Variants in MYO16 observed in about 807,000 individuals in gnomAD.
The protein encoded by MYO16 is unconventional myosin-XVI.
A neutral mutation model predicts 205.3 loss-of-function variants in MYO16; 94 were observed. The ratio of observed to expected loss-of-function variants is 0.46; its 90% CI spans 0.39 to 0.54. MYO16 has a LOEUF of 0.54. MYO16 is among the 20% of genes least tolerant of loss of function. The pLI, the probability that MYO16 is intolerant of heterozygous loss-of-function variation, is 0.00. For missense variants in MYO16, 2,315 were observed against 2,387.5 expected, an observed-to-expected ratio of 0.97 and a Z score of 0.63; for synonymous variants, 988 against 954.0, an observed-to-expected ratio of 1.04 and a Z score of -0.66.
the MYO16 span, among the ~76,000 whole-genome samples, chr13:108,501,112 T>C: frequency 6.6e-6 from 1 of 152,214 alleles, no homozygotes; most frequent in African/African-American, 2.4e-5. Context: ...GTCCCTCTTC[T>C]GCTGCCTGCC....
At chr13:108,831,248 T>C (rs1170455747) in intron 9 of MYO16, among the ~76,000 whole-genome samples, 1 of 152,222 alleles carries the variant, frequency 6.6e-6, no homozygotes, top group African/African-American at 2.4e-5. Flanking sequence ...TGCAGAAGTC[T>C]ACCGGGCATA....
At chr13:108,735,790 C>G (rs1187353463) in intron 4 of MYO16, among the ~76,000 whole-genome samples, 1 of 151,652 alleles carries the variant, frequency 6.6e-6, no homozygotes, top group Non-Finnish European at 1.5e-5. Context: ...TTCTCCACAT[C>G]CTCTCCAGCA....
chr13:108,972,576 T>C (rs762568147), intron 20 of MYO16, among the ~76,000 whole-genome samples: 1 of 150,256 alleles, frequency 6.7e-6, no homozygotes, highest in Non-Finnish European at 1.5e-5. Flanking sequence ...AGATATTTTG[T>C]TCTTGGGAAA....
intron 9 of MYO16, among the ~76,000 whole-genome samples, chr13:108,828,915 A>G (rs532865727): frequency 3.3e-5 from 5 of 152,250 alleles, no homozygotes; most frequent in African/African-American, 7.2e-5. Flanking sequence ...AGACTTTTTC[A>G]TATGTATTTG....
intron 1 of MYO16, among the ~76,000 whole-genome samples, chr13:108,651,232 T>C (rs1414913312): frequency 6.6e-6 from 1 of 152,176 alleles, no homozygotes; most frequent in Non-Finnish European, 1.5e-5. Flanking sequence ...GATATGACTT[T>C]GGAGCTGTCT....
chr13:108,992,506 T>G, intron 21 of MYO16, 58 bp downstream of exon 21: 1 of 1,083,708 alleles, frequency 9.2e-7, no homozygotes, highest in South Asian at 1.4e-5. Context: ...AACTAAGTTC[T>G]TTTTTTAATT....
intron 28 of MYO16, among the ~76,000 whole-genome samples, chr13:109,107,422 C>T (rs965130022): frequency 3.9e-5 from 6 of 152,136 alleles, no homozygotes; most frequent in African/African-American, 1.4e-4. Flanking sequence ...TTTACCATAA[C>T]ATTACATAAA....
At position 108,823,312 on chromosome 13, in the gene MYO16, C is replaced by T. The variant is rs148450809; in HGVS notation, c.1097+34C>T. The T allele has an allele frequency of 3.8e-6, 6 of 1,564,198 alleles. No homozygotes were observed. In the East Asian group the frequency reaches 1.3e-4, roughly 35 times the overall value. On this transcript the variant is annotated intron_variant, in intron 9 of 34. Transcript: ENST00000457511. ...CTTCCTGCTTATTCTCTTTTGCCAT[C>T]TTCTCTACCTGCTGGTCATTTTAGA...
At chr13:108,635,765 G>A (rs1880199178) in intron 1 of MYO16, among the ~76,000 whole-genome samples, 1 of 152,140 alleles carries the variant, frequency 6.6e-6, no homozygotes. Context: ...CTCCCAAAGT[G>A]CTGGGATTAC....
chr13:108,625,717 G>C (rs527311145), upstream of MYO16, among the ~76,000 whole-genome samples: 30 of 152,316 alleles, frequency 2.0e-4, no homozygotes, highest in African/African-American at 7.0e-4. Flanking sequence ...CCCCATCACA[G>C]AGCTTAAATT....
chr13:108,804,307 T>G (rs1887050279), intron 6 of MYO16, among the ~76,000 whole-genome samples: 1 of 152,232 alleles, frequency 6.6e-6, no homozygotes, highest in South Asian at 2.1e-4. Flanking sequence ...GAACTGTGTT[T>G]GCTAATATGC....
chr13:109,003,988 T>A (rs1307446734), intron 21 of MYO16, among the ~76,000 whole-genome samples: 2 of 152,250 alleles, frequency 1.3e-5, no homozygotes, highest in Admixed American at 6.5e-5. Context: ...TGTCATATAA[T>A]GTGGGTATGT....
chr13:108,704,666 A>G (rs193273600), intron 2 of MYO16, among the ~76,000 whole-genome samples: 1 of 152,306 alleles, frequency 6.6e-6, no homozygotes, highest in East Asian at 1.9e-4. Context: ...TTTACAATTG[A>G]TAAACCTACA....
At chr13:108,929,070 A>C (rs2139286023) in intron 16 of MYO16, among the ~76,000 whole-genome samples, 1 of 152,364 alleles carries the variant, frequency 6.6e-6, no homozygotes, top group South Asian at 2.1e-4. Context: ...ATACTAAATA[A>C]ATAAAAATGC....
intron 28 of MYO16, among the ~76,000 whole-genome samples, chr13:109,102,876 T>G (rs1433316690): frequency 1.3e-5 from 2 of 152,236 alleles, no homozygotes; most frequent in Middle Eastern, 3.4e-3. Context: ...CACTAATCTA[T>G]TTTCTCCACA....
chr13:108,660,246 C>T (rs1404365748), intron 1 of MYO16, among the ~76,000 whole-genome samples: 1 of 152,124 alleles, frequency 6.6e-6, no homozygotes, highest in Non-Finnish European at 1.5e-5. Flanking sequence ...GAGTGACCCC[C>T]ATGAGGAAGG....
chr13:108,767,664 G>A (rs1176983000), intron 4 of MYO16, among the ~76,000 whole-genome samples: 1 of 152,034 alleles, frequency 6.6e-6, no homozygotes, highest in Non-Finnish European at 1.5e-5. Context: ...TGGTAAGAGT[G>A]AAGGGAAGAA....
chr13:108,840,696 G>T (rs1877198531), intron 9 of MYO16, among the ~76,000 whole-genome samples: 1 of 152,018 alleles, frequency 6.6e-6, no homozygotes, highest in African/African-American at 2.4e-5. Context: ...CACCACCACA[G>T]CTGGCTAACT....
the MYO16 span, among the ~76,000 whole-genome samples, chr13:108,574,681 G>A: frequency 7.5e-6 from 1 of 134,092 alleles, no homozygotes. Context: ...GTGTGTGTGT[G>A]TGTGTGTGTG....
Sources: allele counts gnomAD v4.1 joint callset (sites outside exome capture counted in the v4.1 genomes callset), GRCh38; gene constraint gnomAD v4.1.1; transcripts MANE v1.5; gene names NCBI Gene and HGNC (gene_info 2026-07-23, HGNC 2026-07-21).